Variants in FRYL observed in about 807,000 individuals in gnomAD.
FRYL encodes protein furry homolog-like.
FRYL carries 150 observed loss-of-function variants against 351.2 expected under a neutral mutation model. The observed-to-expected ratio is 0.43, with a 90% CI of 0.37 to 0.49. FRYL has a LOEUF of 0.49. FRYL is among the 20% of genes least tolerant of loss of function. FRYL has a pLI of 0.00. For missense variants in FRYL, 3,036 were observed against 3,619.3 expected, an observed-to-expected ratio of 0.84 and a Z score of 4.13; for synonymous variants, 1,153 against 1,257.1, an observed-to-expected ratio of 0.92 and a Z score of 1.75.
At chr4:48,601,801 C>T (rs1018413872) in intron 13 of FRYL, among the ~76,000 whole-genome samples, 2 of 152,098 alleles carry the variant, frequency 1.3e-5, no homozygotes, top group Non-Finnish European at 2.9e-5. Flanking sequence ...ATCTTGCATT[C>T]ATTAGGACAA....
intron 1 of FRYL, among the ~76,000 whole-genome samples, chr4:48,758,370 A>C (rs1173635317): frequency 6.6e-6 from 1 of 152,228 alleles, no homozygotes; most frequent in Non-Finnish European, 1.5e-5. Context: ...CAAAGAACTC[A>C]AACAAATTTA....
At position 48,549,577 on chromosome 4, in the gene FRYL, C is replaced by A. The variant is rs778946066; in HGVS notation, c.4680G>T (p.Glu1560Asp). ...LYSNWRLKVM[E>D]HNQGEPLPFP... The stretch of plus-strand genomic sequence containing the variant: ...AGGGCAGTGGCTCTCCTTGGTTATG[C>A]TCCATCACTTTCAGTCGCCAATTAG... The change falls in exon 39 of 64, where the codon GAG becomes GAT. Residue 1560 changes from glutamate (E) to aspartate (D), a missense_variant. This residue lies in a region of FRYL where 1,987 missense variants were observed against 2,311.7 expected (regional missense o/e 0.86). Coordinates refer to ENST00000358350, the MANE Select transcript of FRYL (RefSeq NM_015030.2). This position sits in a 1 kb window ranked among gnomAD's most constrained non-coding sequence, Gnocchi z 4.2. The A allele has an allele frequency of 7.4e-6, 12 of 1,613,310 alleles. No homozygotes were observed. Among genetic ancestry groups the A allele is most frequent in the African/African-American group, 1.3e-5 (1 of 74,896 alleles).
chr4:48,632,091 A>AATATATAT (rs1560753223), intron 4 of FRYL, among the ~76,000 whole-genome samples: 28 of 23,380 alleles, frequency 1.2e-3, no homozygotes, highest in Admixed American at 2.7e-3. Context: ...AAAAAAAAAA[A>AATATATAT]ATATATATAT....
chr4:48,525,162 G>GATATAT (rs1560536410), intron 53 of FRYL, among the ~76,000 whole-genome samples: 5 of 118,450 alleles, frequency 4.2e-5, no homozygotes, highest in Admixed American at 8.4e-5. Flanking sequence ...TATTTTTAAA[G>GATATAT]GTATATATAT....
At chr4:48,611,161 G>A (rs1330173715) in intron 7 of FRYL, among the ~76,000 whole-genome samples, 1 of 151,732 alleles carries the variant, frequency 6.6e-6, no homozygotes, top group Non-Finnish European at 1.5e-5. Flanking sequence ...ATATAAAATG[G>A]TGTAGTATTT....
At chr4:48,735,042 C>A (rs1181848403) in intron 1 of FRYL, among the ~76,000 whole-genome samples, 46 of 139,950 alleles carry the variant, frequency 3.3e-4, no homozygotes, top group African/African-American at 9.2e-4. Context: ...CAACCTACAA[C>A]ATGGGAGAAA....
intron 49 of FRYL, among the ~76,000 whole-genome samples, chr4:48,533,192 T>C (rs1728075813): frequency 6.6e-6 from 1 of 152,108 alleles, no homozygotes; most frequent in Non-Finnish European, 1.5e-5. Context: ...ACATAAGAAA[T>C]GTACCTATGG....
At chr4:48,665,804 C>T (rs527402858) in intron 3 of FRYL, among the ~76,000 whole-genome samples, 2 of 152,324 alleles carry the variant, frequency 1.3e-5, no homozygotes, top group African/African-American at 4.8e-5. Context: ...AGACCTCTTA[C>T]AGTCACCTTC....
intron 7 of FRYL, among the ~76,000 whole-genome samples, chr4:48,617,109 T>C (rs1400086018): frequency 1.3e-5 from 2 of 152,168 alleles, no homozygotes; most frequent in African/African-American, 2.4e-5. Flanking sequence ...TAAATGTATA[T>C]ATTTTTTGAT....
Position 48,540,432 on chromosome 4 carries a change from T to C in FRYL, c.6216A>G (p.Thr2072=), listed in dbSNP as rs1729924097. The C allele has an allele frequency of 3.1e-6, 5 of 1,614,018 alleles. No homozygotes were observed. Among genetic ancestry groups the C allele is most frequent in the Admixed American group, 1.7e-5 (1 of 60,018 alleles). ...TGAGGAGGTGCACGGTCATTTCTTG[T>C]GTAGATGCTGAGGTAAAACCCTTAA... ...LFLKGFTSAS[T]QEMTVHLLSK... Residue 2072 remains threonine (T), a synonymous_variant, in exon 46 of 64, where the codon ACA becomes ACG. Transcript: ENST00000358350.
intron 9 of FRYL, among the ~76,000 whole-genome samples, chr4:48,606,974 A>G (rs1746971896): frequency 6.6e-6 from 1 of 152,202 alleles, no homozygotes; most frequent in South Asian, 2.1e-4. Context: ...CTTTTTATAT[A>G]AAGTCTGCAA....
chr4:48,687,499 G>C lies in FRYL; in HGVS notation c.-203-2704C>G, dbSNP rs1449919221. Among the ~76,000 whole-genome samples, 92 of 131,348 alleles carry C rather than the reference G, an allele frequency of 7.0e-4. 1 individual carries two copies. The highest frequency in any genetic ancestry group is 7.2e-3 in the Middle Eastern group (2 of 278). 86.2% of individuals were successfully genotyped at this position (131,348 alleles called of 152,430 possible). On this transcript the variant is annotated intron_variant, in intron 2 of 63. Coordinates refer to ENST00000358350, the MANE Select transcript of FRYL (RefSeq NM_015030.2). ...CCTCAGGGCAAATGAGGTCGGGGGG[G>C]GGGGGGGTGAGGGGGGAGGGGGGCG... is the stretch of plus-strand genomic sequence containing the variant.
Position 48,716,522 on chromosome 4 carries a change from A to G in FRYL, c.-383-5824T>C, listed in dbSNP as rs575382546. Among the ~76,000 whole-genome samples the G allele has an allele frequency of 4.6e-5, 7 of 151,826 alleles. No individual in the cohort carries two copies. In the East Asian group the frequency reaches 7.7e-4, roughly 17 times the overall value. On this transcript the variant is annotated intron_variant, in intron 1 of 63. Coordinates refer to ENST00000358350, the MANE Select transcript of FRYL (RefSeq NM_015030.2). Reference sequence around the variant, plus strand: ...TTTATGCAGCCAAAAAACACACGAAAAAATGCTCACCATCACTGGCCATCA... The same window carrying G: ...TTTATGCAGCCAAAAAACACACGAAGAAATGCTCACCATCACTGGCCATCA...
chr4:48,499,361 T>C lies in FRYL; in HGVS notation c.*61A>G. On this transcript the variant is annotated 3_prime_UTR_variant, in exon 64 of 64. Coordinates refer to ENST00000358350, the MANE Select transcript of FRYL (RefSeq NM_015030.2). Reference sequence around the variant, plus strand: ...AGTGAATGCAAGGGTCCATAAAAGGTGCTTGGTTAATATTCTTCATCATCT... The same window carrying C: ...AGTGAATGCAAGGGTCCATAAAAGGCGCTTGGTTAATATTCTTCATCATCT... 6.7e-7 allele frequency: 1 copy of C among 1,489,472 alleles called. No individual in the cohort carries two copies. The highest frequency in any genetic ancestry group is 9.3e-7 in the Non-Finnish European group (1 of 1,073,954). The allele number at this position is 1,489,472 out of a possible 1,614,324, so 92.3% of individuals were successfully genotyped here. A position where few individuals can be genotyped will look rare whatever the true frequency, so the allele number is the denominator to read the frequency against.
intron 47 of FRYL, among the ~76,000 whole-genome samples, chr4:48,536,247 G>GCTTC (rs1728856591): frequency 6.6e-6 from 1 of 152,184 alleles, no homozygotes; most frequent in Non-Finnish European, 1.5e-5. Flanking sequence ...GGGAGGAAAT[G>GCTTC]CTTCAGCCTC....
chr4:48,640,411 G>A (rs1368974758), intron 3 of FRYL, among the ~76,000 whole-genome samples: 1 of 152,148 alleles, frequency 6.6e-6, no homozygotes, highest in Non-Finnish European at 1.5e-5. Context: ...AATCTAAAAA[G>A]GCTATATACT....
chr4:48,676,296 C>T (rs564355737), intron 3 of FRYL, among the ~76,000 whole-genome samples: 6 of 152,260 alleles, frequency 3.9e-5, no homozygotes, highest in Admixed American at 6.5e-5. Context: ...ACACTCACCG[C>T]GAAGGTCTGC....
intron 3 of FRYL, among the ~76,000 whole-genome samples, chr4:48,640,900 T>C (rs1755191983): frequency 6.6e-6 from 1 of 152,066 alleles, no homozygotes; most frequent in African/African-American, 2.4e-5. Context: ...AAAAAACAGC[T>C]CAAGCTGGAG....
intron 1 of FRYL, among the ~76,000 whole-genome samples, chr4:48,746,800 A>G (rs928238162): frequency 6.6e-6 from 1 of 152,142 alleles, no homozygotes; most frequent in Non-Finnish European, 1.5e-5. Flanking sequence ...TAGAGAGACC[A>G]CATCAAGAGA....
Sources: gnomAD v4.1 joint callset for allele counts (sites outside exome capture counted in the v4.1 genomes callset) on GRCh38, gnomAD v4.1.1 for gene constraint, gnomAD v4.1.1 regional missense constraint, Gnocchi (gnomAD v3.1) non-coding constraint, MANE v1.5 for transcripts, NCBI Gene and HGNC (gene_info 2026-07-23, HGNC 2026-07-21) for gene names.